The following DLG2 variants were observed in gnomAD, a reference collection of about 807,000 sequenced individuals.
DLG2 encodes disks large homolog 2.
A neutral mutation model predicts 132.5 loss-of-function variants in DLG2; 45 were observed. The ratio of observed to expected loss-of-function variants is 0.34; its 90% CI spans 0.27 to 0.44. The LOEUF is 0.44. DLG2 is among the 20% of genes least tolerant of loss of function. DLG2 has a pLI of 1.00. For synonymous variants in DLG2, 424 were observed against 419.6 expected (o/e 1.01, Z -0.13); for missense variants, 1,045 against 1,196.9 (o/e 0.87, Z 1.87).
At chr11:84,651,093 T>C (rs1393574330) in intron 6 of DLG2, among the ~76,000 whole-genome samples, 1 of 151,862 alleles carries the variant, frequency 6.6e-6, no homozygotes, top group East Asian at 1.9e-4. Flanking sequence ...TTGACTTTGT[T>C]GACTCCTTCA....
At chr11:83,896,982 TAA>T (rs897405262) in intron 15 of DLG2, among the ~76,000 whole-genome samples, 21 of 152,310 alleles carry the variant, frequency 1.4e-4, no homozygotes, top group Middle Eastern at 3.4e-3. Flanking sequence ...AGGTTGTTTA[TAA>T]AAGTTTTCAT....
At chr11:84,103,503 G>A (rs1363552134) in intron 9 of DLG2, among the ~76,000 whole-genome samples, 3 of 152,108 alleles carry the variant, frequency 2.0e-5, no homozygotes, top group Non-Finnish European at 4.4e-5. Context: ...TGCTGGTAAG[G>A]GCAGACCCTG....
At chr11:85,269,443 A>C (rs114164284) in intron 4 of DLG2, among the ~76,000 whole-genome samples, 118 of 152,374 alleles carry the variant, frequency 7.7e-4, no homozygotes, top group African/African-American at 2.7e-3. Context: ...CAGACTTCTT[A>C]GGATTCCATG....
Position 85,095,504 on chromosome 11 carries a change from G to GT in DLG2, c.357+16156dup, listed in dbSNP as rs559484369. On this transcript the variant is annotated intron_variant, in intron 6 of 27. Coordinates refer to ENST00000376104, the MANE Select transcript of DLG2 (RefSeq NM_001142699.3). ...ACACTTCTCAGTCCTTAATTCAGTT[G>GT]TTTTTTCAGTCCTATGGGCTCTTAA... 1.4e-3 allele frequency among the ~76,000 whole-genome samples: 219 copies of GT among 151,976 alleles called. 1 individual carries two copies. The highest frequency in any genetic ancestry group is 5.1e-3 in the African/African-American group (211 of 41,444).
intron 6 of DLG2, among the ~76,000 whole-genome samples, chr11:85,005,838 A>G (rs990305617): frequency 6.6e-6 from 1 of 152,164 alleles, no homozygotes; most frequent in African/African-American, 2.4e-5. Flanking sequence ...GTTTTTGCCC[A>G]TTCAGTATGA....
chr11:84,232,113 T>A (rs2097101749), intron 8 of DLG2, among the ~76,000 whole-genome samples: 1 of 152,058 alleles, frequency 6.6e-6, no homozygotes, highest in African/African-American at 2.4e-5. Context: ...AACACAAGGA[T>A]CTGTGCGCAG....
At chr11:84,723,969 A>T in intron 6 of DLG2, among the ~76,000 whole-genome samples, 1 of 152,300 alleles carries the variant, frequency 6.6e-6, no homozygotes, top group East Asian at 1.9e-4. Context: ...TCTTGTATTT[A>T]TTATTGTTAT....
intron 18 of DLG2, among the ~76,000 whole-genome samples, chr11:83,664,037 A>G (rs1348174502): frequency 6.6e-6 from 1 of 152,156 alleles, no homozygotes; most frequent in East Asian, 1.9e-4. Flanking sequence ...CTGTTTTTTC[A>G]TTTATATAAT....
At chr11:85,272,721 C>T (rs1360350913) in intron 4 of DLG2, among the ~76,000 whole-genome samples, 1 of 152,112 alleles carries the variant, frequency 6.6e-6, no homozygotes, top group Non-Finnish European at 1.5e-5. Context: ...CATCAAGCTA[C>T]CAATGACTCT....
chr11:83,671,920 C>T (rs1031777986), intron 18 of DLG2, among the ~76,000 whole-genome samples: 1 of 152,196 alleles, frequency 6.6e-6, no homozygotes, highest in Non-Finnish European at 1.5e-5. Flanking sequence ...TTGAAATACA[C>T]AAATGTTCAT....
chr11:84,700,170 C>T (rs1195462333), intron 6 of DLG2, among the ~76,000 whole-genome samples: 1 of 151,438 alleles, frequency 6.6e-6, no homozygotes, highest in Non-Finnish European at 1.5e-5. Context: ...TTACAGTGTT[C>T]ATTAAAGACA....
intron 6 of DLG2, among the ~76,000 whole-genome samples, chr11:84,881,300 C>A (rs768673830): frequency 2.6e-5 from 4 of 152,100 alleles, no homozygotes; most frequent in Non-Finnish European, 4.4e-5. Context: ...AGCTTCCCAA[C>A]AGAAGGGAAT....
At chr11:84,070,959 T>C (rs1384478572) in intron 10 of DLG2, among the ~76,000 whole-genome samples, 1 of 152,218 alleles carries the variant, frequency 6.6e-6, no homozygotes, top group Non-Finnish European at 1.5e-5. Context: ...TCACTTTTAA[T>C]TCTCCATCAA....
chr11:84,179,021 A>T lies in DLG2; in HGVS notation c.574-15510T>A, dbSNP rs114785603. Among the ~76,000 whole-genome samples, 1,363 of 152,252 alleles carry T rather than the reference A, an allele frequency of 9.0e-3. 22 individuals are homozygous for T. Among genetic ancestry groups the T allele is most frequent in the African/African-American group, 0.031 (1,277 of 41,558 alleles). The stretch of plus-strand genomic sequence containing the variant: ...AAGCAATAAATAGAAGCTATTTCTC[A>T]GGCATTCCAGATGTTGGAATTAGCT... On this transcript the variant is annotated intron_variant, in intron 8 of 27. Transcript: ENST00000376104.
chr11:85,463,461 TAAG>T (rs940995133), intron 3 of DLG2, among the ~76,000 whole-genome samples: 4 of 152,126 alleles, frequency 2.6e-5, no homozygotes, highest in African/African-American at 9.6e-5. Context: ...ATAATAGAAA[TAAG>T]AAATGTGTAG....
At chr11:85,562,233 C>G (rs1463804687) in intron 3 of DLG2, among the ~76,000 whole-genome samples, 1 of 151,582 alleles carries the variant, frequency 6.6e-6, no homozygotes, top group Non-Finnish European at 1.5e-5. Context: ...TAAAGTTGAT[C>G]CAGGCAACTT....
At chr11:84,303,896 G>A (rs1353243750) in intron 7 of DLG2, among the ~76,000 whole-genome samples, 1 of 152,148 alleles carries the variant, frequency 6.6e-6, no homozygotes, top group Non-Finnish European at 1.5e-5. Context: ...CAAACTGATT[G>A]AGTGCCTTTA....
At chr11:85,625,722 T>C (rs1416441129) in intron 2 of DLG2, among the ~76,000 whole-genome samples, 1 of 152,238 alleles carries the variant, frequency 6.6e-6, no homozygotes, top group African/African-American at 2.4e-5. Flanking sequence ...TAGTCCAGTA[T>C]AGCAGAGTTC....
At chr11:85,343,214 A>ACCCAACACAATTCCATTATTT (rs1404349318) in intron 3 of DLG2, among the ~76,000 whole-genome samples, 35 of 152,288 alleles carry the variant, frequency 2.3e-4, no homozygotes, top group Non-Finnish European at 4.6e-4. Flanking sequence ...TGTTCTTTTA[A>ACCCAACACAATTCCATTATTT]CCCAACACAA....
Sources: allele counts gnomAD v4.1 joint callset (sites outside exome capture counted in the v4.1 genomes callset), GRCh38; gene constraint gnomAD v4.1.1; transcripts MANE v1.5; gene names NCBI Gene and HGNC (gene_info 2026-07-23, HGNC 2026-07-21).